Variants in DGKZ observed in about 807,000 individuals in gnomAD.
DGKZ encodes DAG kinase zeta.
In DGKZ, 45 loss-of-function variants were observed where a neutral mutation model predicts 142.5. The ratio of observed to expected loss-of-function variants is 0.32; its 90% CI spans 0.25 to 0.40. The LOEUF (loss-of-function observed/expected upper bound fraction) is 0.40, where lower values mean the gene tolerates loss of function less well. Ranked by LOEUF, DGKZ falls within the 10% of genes least tolerant of loss-of-function variation. The probability of loss-of-function intolerance (pLI) is 1.00; values close to 1 mark genes in which losing one functional copy is unlikely to be tolerated. For synonymous variants in DGKZ, 442 were observed against 527.0 expected (o/e 0.84, Z 2.21); for missense variants, 755 against 1,306.5 (o/e 0.58, Z 6.51).
intron 6 of DGKZ, 75 bp from the exon 7 acceptor site, chr11:46,371,238 G>A (rs1046284536): frequency 4.3e-5 from 62 of 1,437,196 alleles, no homozygotes; most frequent in Non-Finnish European, 5.9e-5. Context: ...GGTGGAGAGA[G>A]GCTGGCACCA....
At chr11:46,371,431 T>G in intron 7 of DGKZ, 47 bp downstream of exon 7, 4 of 1,609,838 alleles carry the variant, frequency 2.5e-6, no homozygotes, top group Non-Finnish European at 3.4e-6. Flanking sequence ...ACTGCTGGGT[T>G]TGGGTCCCCG....
At chr11:46,379,676 ACCC>A (rs1944998295) in intron 30 of DGKZ, 108 bp downstream of exon 30, 1 of 1,283,040 alleles carries the variant, frequency 7.8e-7, no homozygotes, top group Non-Finnish European at 1.1e-6. Context: ...CACAGTCCAG[ACCC>A]TGGGAAACCT....
chr11:46,347,375 G>A, upstream of DGKZ: 6 of 984,256 alleles, frequency 6.1e-6, no homozygotes, highest in Non-Finnish European at 7.2e-6. This position sits in a 1 kb window ranked among gnomAD's most constrained non-coding sequence, Gnocchi z 6.4. Context: ...CTGCGGGCCC[G>A]GTGCCACCGT....
intron 4 of DGKZ, chr11:46,368,542 G>A (rs978857452): frequency 6.8e-5 from 22 of 324,434 alleles, no homozygotes; most frequent in East Asian, 1.7e-4. Context: ...CTGGGCAGAC[G>A]GGTCAAGGCC....
At chr11:46,340,513 T>C (rs1163002958) in intron 1 of DGKZ, among the ~76,000 whole-genome samples, 1 of 152,062 alleles carries the variant, frequency 6.6e-6, no homozygotes, top group African/African-American at 2.4e-5. Context: ...AGAGACATGG[T>C]GGTTTGAAGG....
At chr11:46,373,434 G>A (rs1268243028) in intron 14 of DGKZ, among the ~76,000 whole-genome samples, 9 of 148,674 alleles carry the variant, frequency 6.1e-5, no homozygotes, top group Non-Finnish European at 7.4e-5. Context: ...TTATAGGCAG[G>A]TGCCACCACA....
At chr11:46,376,686 C>T (rs1263441591) in intron 24 of DGKZ, 122 bp downstream of exon 24, 7 of 1,318,160 alleles carry the variant, frequency 5.3e-6, no homozygotes, top group Non-Finnish European at 6.4e-6. Context: ...CCTCTGAGAG[C>T]TTTTACTATT....
chr11:46,371,795 G>A lies in DGKZ; in HGVS notation c.831+20G>A, dbSNP rs766060038. 26 of 1,609,736 alleles carry A rather than the reference G, an allele frequency of 1.6e-5. No individual in the cohort carries two copies. Among genetic ancestry groups the A allele is most frequent in the Non-Finnish European group, 2.2e-5 (26 of 1,178,002 alleles). Reference sequence around the variant, plus strand: ...CCTGAGGTCAGCCCCAGGCTGGGCAGAGGCTGCAGGGGAGCAGGAGAGAGG... The same window carrying A: ...CCTGAGGTCAGCCCCAGGCTGGGCAAAGGCTGCAGGGGAGCAGGAGAGAGG... On this transcript the variant is annotated intron_variant, in intron 9 of 30. Coordinates refer to ENST00000527911, the Ensembl canonical transcript of DGKZ.
At chr11:46,355,045 C>G (rs1034392784) in intron 1 of DGKZ, among the ~76,000 whole-genome samples, 1 of 152,244 alleles carries the variant, frequency 6.6e-6, no homozygotes, top group Non-Finnish European at 1.5e-5. Flanking sequence ...TCAGCTTAGA[C>G]AGATGTTGCC....
At chr11:46,377,424 C>T (rs1239486930) in intron 25 of DGKZ, 1 of 889,648 alleles carries the variant, frequency 1.1e-6, no homozygotes, top group Non-Finnish European at 1.6e-6. Context: ...CTTCTCCCTC[C>T]TCTGGACCTC....
At chr11:46,357,442 G>C (rs774586494) in intron 1 of DGKZ, among the ~76,000 whole-genome samples, 24 of 152,238 alleles carry the variant, frequency 1.6e-4, no homozygotes, top group Admixed American at 1.4e-3. Context: ...AACCAAGGCT[G>C]TTGCCATCCC....
intron 4 of DGKZ, chr11:46,369,236 C>A: frequency 1.8e-6 from 1 of 561,676 alleles, no homozygotes; most frequent in Admixed American, 3.0e-5. Context: ...GTGGGGGAGA[C>A]GGACCCAAAG....
intron 1 of DGKZ, among the ~76,000 whole-genome samples, chr11:46,337,802 GA>G (rs929558464): frequency 1.8e-4 from 28 of 152,266 alleles, no homozygotes; most frequent in African/African-American, 6.3e-4. Context: ...AAAATGGAGG[GA>G]GGGGGTGTCC....
At chr11:46,342,976 T>C, upstream of DGKZ, among the ~76,000 whole-genome samples, 1 of 151,964 alleles carries the variant, frequency 6.6e-6, no homozygotes, top group South Asian at 2.1e-4. Context: ...ATACAAAAAT[T>C]AGCTGGGCAT....
exon 22 of DGKZ, chr11:46,376,078 G>C (rs1944493304): frequency 1.2e-6 from 2 of 1,611,942 alleles, no homozygotes; most frequent in Non-Finnish European, 1.7e-6. Flanking sequence ...GTGCCGCTGG[G>C]CACTGTGGTG....
chr11:46,367,011 G>A lies in DGKZ; in HGVS notation c.162-280G>A, dbSNP rs776967305. On this transcript the variant is annotated intron_variant, in intron 1 of 30. Transcript: ENST00000527911. This position sits in a 1 kb window ranked among gnomAD's most constrained non-coding sequence, Gnocchi z 4.1. ...TAGGTATAGCTGTGGCCAGCAGGGC[G>A]AGTGGTGTGACCTCCTGTGGGTCTG... 6.7e-6 allele frequency: 10 copies of A among 1,490,044 alleles called. No individual in the cohort carries two copies. The highest frequency in any genetic ancestry group is 2.3e-5 in the Admixed American group (1 of 43,858). The allele number at this position is 1,490,044 out of a possible 1,614,324, so 92.3% of individuals were successfully genotyped here.
intron 25 of DGKZ, 161 bp downstream of exon 25, chr11:46,377,373 G>A: frequency 7.5e-7 from 1 of 1,334,164 alleles, no homozygotes; most frequent in Admixed American, 3.3e-5. Context: ...CTGTGGTTCT[G>A]TGGGGAAGCG....
intron 1 of DGKZ, among the ~76,000 whole-genome samples, chr11:46,337,014 C>T (rs912998569): frequency 6.6e-6 from 1 of 152,070 alleles, no homozygotes; most frequent in South Asian, 2.1e-4. Context: ...GAGTGAGATC[C>T]TGTCTCTAAA....
chr11:46,361,688 G>T (rs527691527), intron 1 of DGKZ: 3 of 985,286 alleles, frequency 3.0e-6, no homozygotes, highest in African/African-American at 1.7e-5. Flanking sequence ...TCCCACCTGC[G>T]CCCTGCCTTC....
Sources: allele counts gnomAD v4.1 joint callset (sites outside exome capture counted in the v4.1 genomes callset), GRCh38; gene constraint gnomAD v4.1.1; non-coding constraint Gnocchi (gnomAD v3.1); transcripts MANE v1.5; gene names NCBI Gene and HGNC (gene_info 2026-07-23, HGNC 2026-07-21).